The following PLCG2 variants were observed in gnomAD, a reference collection of about 807,000 sequenced individuals.
PLCG2 encodes the protein phospholipase C gamma 2.
Under a neutral mutation model 175.6 loss-of-function variants are expected in PLCG2, and 69 were observed. That is an observed-to-expected ratio of 0.39 (90% CI 0.32 to 0.48). The LOEUF (loss-of-function observed/expected upper bound fraction) is 0.48. Among genes scored for constraint, PLCG2 ranks in the 20% least tolerant of loss-of-function variants. The pLI, the probability that PLCG2 is intolerant of heterozygous loss-of-function variation, is 0.91. For synonymous variants in PLCG2, 827 were observed against 624.0 expected (o/e 1.33, Z -4.85); for missense variants, 1,798 against 1,650.9 (o/e 1.09, Z -1.54).
At chr16:81,892,778 C>T (rs527243241) in intron 11 of PLCG2, among the ~76,000 whole-genome samples, 2 of 152,072 alleles carry the variant, frequency 1.3e-5, no homozygotes, top group Non-Finnish European at 2.9e-5. Flanking sequence ...ACTTACTACC[C>T]ATTAGTTATT....
At chr16:81,893,665 T>C in intron 11 of PLCG2, 44 bp from the exon 12 acceptor site, 2 of 1,220,108 alleles carry the variant, frequency 1.6e-6, no homozygotes, top group Non-Finnish European at 2.4e-6. Context: ...CCCCAACCCC[T>C]GTGGCTGCCA....
At chr16:81,879,201 A>G (rs187711106) in intron 7 of PLCG2, among the ~76,000 whole-genome samples, 40 of 152,270 alleles carry the variant, frequency 2.6e-4, no homozygotes, top group African/African-American at 8.9e-4. Context: ...TCCAGATGTA[A>G]ATAAGCTGGG....
At chr16:81,776,772 C>T (rs966997501), upstream of PLCG2, among the ~76,000 whole-genome samples, 4 of 152,060 alleles carry the variant, frequency 2.6e-5, no homozygotes, top group Admixed American at 6.5e-5. Context: ...CCAGGATAGT[C>T]GTGAACTCCT....
intron 2 of PLCG2, chr16:81,799,101 C>T (rs894366286): frequency 6.6e-6 from 1 of 152,252 alleles, no homozygotes; most frequent in Non-Finnish European, 1.5e-5. Context: ...GAGCTGCTTC[C>T]CTCTGGCCTT....
At chr16:81,840,726 G>A (rs1347939427) in intron 2 of PLCG2, among the ~76,000 whole-genome samples, 1 of 152,192 alleles carries the variant, frequency 6.6e-6, no homozygotes, top group African/African-American at 2.4e-5. Flanking sequence ...CTCCTGCTGT[G>A]CGGCTCGATT....
At chr16:81,906,805 C>G (rs7190729) in intron 15 of PLCG2, among the ~76,000 whole-genome samples, 10 of 151,970 alleles carry the variant, frequency 6.6e-5, no homozygotes, top group Non-Finnish European at 1.5e-4. Flanking sequence ...CTTGGGAGGC[C>G]GAGGAAGGCA....
At chr16:81,883,621 C>T (rs1908203938) in intron 9 of PLCG2, 3 of 484,502 alleles carry the variant, frequency 6.2e-6, no homozygotes, top group African/African-American at 3.9e-5. Context: ...GATGGCAGGG[C>T]AGGAGGGGTG....
chr16:81,824,159 G>T (rs1188715258), intron 2 of PLCG2, among the ~76,000 whole-genome samples: 2 of 140,156 alleles, frequency 1.4e-5, no homozygotes, highest in African/African-American at 5.3e-5. Context: ...CTTTCATGGA[G>T]TTTCACTCTT....
At chr16:81,875,297 C>G (rs995552412) in intron 7 of PLCG2, among the ~76,000 whole-genome samples, 2 of 151,984 alleles carry the variant, frequency 1.3e-5, no homozygotes, top group African/African-American at 2.4e-5. Flanking sequence ...TTAATTCCCC[C>G]CTAGAGGCCT....
At chr16:81,924,275 T>G (rs748554845) in intron 22 of PLCG2, among the ~76,000 whole-genome samples, 5 of 152,264 alleles carry the variant, frequency 3.3e-5, no homozygotes, top group Non-Finnish European at 7.3e-5. Flanking sequence ...CTCATAATAG[T>G]GAGCACTGGT....
intron 30 of PLCG2, among the ~76,000 whole-genome samples, chr16:81,945,610 C>G (rs916670995): frequency 1.3e-5 from 2 of 152,192 alleles, no homozygotes; most frequent in East Asian, 1.9e-4. Context: ...ACTTGCCCCC[C>G]TCAGCCCCAA....
chr16:81,750,625 T>A (rs978780172), intron 1 of PLCG2, among the ~76,000 whole-genome samples: 1 of 148,990 alleles, frequency 6.7e-6, no homozygotes, highest in African/African-American at 2.5e-5. Context: ...TACAATGGAC[T>A]ACTATTCAGC....
chr16:81,940,177 AC>A, intron 30 of PLCG2, 118 bp downstream of exon 30: 2 of 883,062 alleles, frequency 2.3e-6, no homozygotes, highest in Non-Finnish European at 3.5e-6. Flanking sequence ...TCACTGTAAA[AC>A]CGATTGGGTG....
At chr16:81,792,489 A>C (rs1257058396) in intron 2 of PLCG2, among the ~76,000 whole-genome samples, 1,180 of 42,750 alleles carry the variant, frequency 0.028, 113 homozygotes, top group African/African-American at 0.077. Context: ...TCAAAAAAAA[A>C]AAAAAAAAAA....
In PLCG2 at chr16:81,923,497, G is replaced by A. The variant is rs762658251; in HGVS notation, c.2320G>A (p.Val774Met). Reference sequence around the variant, plus strand: ...TTTTCCCTGAAAGCCTCAGAGAACCGTGAAAGCTCTGTATGACTACAAAGC... The same window carrying A: ...TTTTCCCTGAAAGCCTCAGAGAACCATGAAAGCTCTGTATGACTACAAAGC... The part of the protein sequence containing the change: ...EINPSMPQRT[V>M]KALYDYKAKR... The change falls in exon 22 of 33, where the codon GTG (valine) becomes ATG (methionine). Residue 774 changes from valine to methionine, a missense_variant. By Grantham distance (21) the Val-to-Met change is conservative (BLOSUM62 1). Transcript: ENST00000564138. 1.9e-6 allele frequency: 3 copies of A among 1,611,212 alleles called. No homozygotes were observed. Among genetic ancestry groups the A allele is most frequent in the Middle Eastern group, 1.6e-4 (1 of 6,074 alleles).
At chr16:81,805,812 T>C (rs1196421328) in intron 2 of PLCG2, among the ~76,000 whole-genome samples, 1 of 146,928 alleles carries the variant, frequency 6.8e-6, no homozygotes, top group Admixed American at 6.8e-5. Flanking sequence ...GTTATTGTTG[T>C]TTTGTTTTTT....
chr16:81,909,578 G>A (rs1030857120), intron 17 of PLCG2, among the ~76,000 whole-genome samples: 1 of 152,120 alleles, frequency 6.6e-6, no homozygotes, highest in Non-Finnish European at 1.5e-5. Context: ...CACGACACCT[G>A]AATAACTTTT....
At chr16:81,910,849 A>C in intron 18 of PLCG2, 129 bp downstream of exon 18, 2 of 841,788 alleles carry the variant, frequency 2.4e-6, no homozygotes, top group Non-Finnish European at 3.9e-6. Context: ...CCGGCATCTC[A>C]AAATTGCCGA....
chr16:81,915,710 C>A (rs933363622), intron 19 of PLCG2, among the ~76,000 whole-genome samples: 1 of 152,194 alleles, frequency 6.6e-6, no homozygotes, highest in South Asian at 2.1e-4. Context: ...TGCTGTGGAT[C>A]GGGAAGCTGA....
Sources: allele counts gnomAD v4.1 joint callset (sites outside exome capture counted in the v4.1 genomes callset), GRCh38; gene constraint gnomAD v4.1.1; transcripts MANE v1.5; gene names NCBI Gene and HGNC (gene_info 2026-07-23, HGNC 2026-07-21).